The following PARP10 variants were observed in gnomAD, a reference collection of about 807,000 sequenced individuals.
The protein encoded by PARP10 is protein mono-ADP-ribosyltransferase PARP10.
Under a neutral mutation model 82.4 loss-of-function variants are expected in PARP10, and 56 were observed. That is an observed-to-expected ratio of 0.68 (90% CI 0.55 to 0.85). The LOEUF (loss-of-function observed/expected upper bound fraction) is 0.85. Among genes scored for constraint, PARP10 ranks in the 40% least tolerant of loss-of-function variants. PARP10 has a pLI of 0.00. For synonymous variants in PARP10, 576 were observed against 601.1 expected, an observed-to-expected ratio of 0.96 and a Z score of 0.61; for missense variants, 1,227 against 1,379.4, an observed-to-expected ratio of 0.89 and a Z score of 1.75.
chr8:143,985,022 T>C lies in PARP10; in HGVS notation c.980A>G (p.Glu327Gly), dbSNP rs1554748890. 1 of 1,613,858 alleles carries C rather than the reference T, an allele frequency of 6.2e-7. No homozygotes were observed. Among genetic ancestry groups the C allele is most frequent in the East Asian group, 2.2e-5 (1 of 44,876 alleles). ...CAGAGAGGTCCCTGACTGCCCTGGT[T>C]CCTGGCCAGAGCCTGTTGTCATAAT... ...RGIMTTGSGQEPGQSGTSLRT... is the reference protein window; with the variant it reads ...RGIMTTGSGQGPGQSGTSLRT... The change falls in exon 5 of 11, where the codon GAA (glutamate) becomes GGA (glycine). Residue 327 changes from glutamate to glycine, a missense_variant. Glu to Gly is a moderately conservative substitution (Grantham distance 98). Coordinates refer to ENST00000313028, the MANE Select transcript of PARP10 (RefSeq NM_032789.5).
Position 143,977,224 on chromosome 8 carries a change from G to C in PARP10, c.*260C>G, listed in dbSNP as rs764315268. On this transcript the variant is annotated 3_prime_UTR_variant, in exon 11 of 11. Coordinates refer to ENST00000313028, the MANE Select transcript of PARP10 (RefSeq NM_032789.5). ...CAAACAACAGAGCCGACTCGGGCGA[G>C]GTCTGGGAGCGGCGGGCGGGCGGTG... The C allele has an allele frequency of 1.2e-5, 6 of 521,602 alleles. No homozygotes were observed. The East Asian group carries it at 1.6e-4, about 14-fold the overall frequency. 32.3% of individuals were successfully genotyped at this position (521,602 alleles called of 1,614,324 possible). A position where few individuals can be genotyped will look rare whatever the true frequency, so the allele number is the denominator to read the frequency against.
intron 1 of PARP10, among the ~76,000 whole-genome samples, chr8:144,000,898 T>TTG (rs200821699): frequency 1.0e-3 from 125 of 122,344 alleles, no homozygotes; most frequent in Middle Eastern, 4.2e-3. Context: ...AATAAATTCT[T>TTG]TGTGTGTGTG....
chr8:143,979,873 G>A (rs576159569), intron 9 of PARP10, among the ~76,000 whole-genome samples: 3 of 151,920 alleles, frequency 2.0e-5, no homozygotes, highest in Non-Finnish European at 4.4e-5. Flanking sequence ...TTAGCCGGGC[G>A]CGGTGGCGGG....
Position 143,985,019 on chromosome 8 carries a change from G to T in PARP10, c.983C>A (p.Pro328Gln). ...CCTCAGAGAGGTCCCTGACTGCCCTGGTTCCTGGCCAGAGCCTGTTGTCAT... is the reference window on the plus strand; with the variant it reads ...CCTCAGAGAGGTCCCTGACTGCCCTTGTTCCTGGCCAGAGCCTGTTGTCAT... ...GIMTTGSGQE[P>Q]GQSGTSLRTG... Residue 328 changes from proline (P) to glutamine (Q), a missense_variant, in exon 5 of 11, where the codon CCA becomes CAA. Pro to Gln is a moderately conservative substitution (Grantham distance 76, BLOSUM62 -1). Coordinates refer to ENST00000313028, the MANE Select transcript of PARP10 (RefSeq NM_032789.5). 6.2e-7 allele frequency: 1 copy of T among 1,613,918 alleles called. No individual in the cohort carries two copies. Among genetic ancestry groups the T allele is most frequent in the Non-Finnish European group, 8.5e-7 (1 of 1,179,966 alleles).
At position 143,977,426 on chromosome 8, in the gene PARP10, T is replaced by C. The variant is rs368913820; in HGVS notation, c.*58A>G. On this transcript the variant is annotated 3_prime_UTR_variant, in exon 11 of 11. Transcript: ENST00000313028. ...CGGCCACAGTTGGGGGCGGGGAGCA[T>C]CAGCCTGTGCGGAGCTGGGAGCCTG... 6.7e-4 allele frequency: 957 copies of C among 1,420,986 alleles called. 12 individuals are homozygous for C. In the South Asian group the frequency reaches 0.012, roughly 18 times the overall value. 88.0% of individuals were successfully genotyped at this position (1,420,986 alleles called of 1,614,324 possible).
In PARP10 at chr8:144,003,883, T is replaced by A. The variant is rs1252764372; in HGVS notation, c.-80+8647A>T. ...TCTACAAAAAAAAAAAAATTTTTTT[T>A]AATTAGTCAGGTGTGGTGACACATG... On this transcript the variant is annotated intron_variant, in intron 1 of 3. Transcript: ENST00000530478. Among the ~76,000 whole-genome samples, 4 of 151,880 alleles carry A rather than the reference T, an allele frequency of 2.6e-5. 1 individual carries two copies. The highest frequency in any genetic ancestry group is 4.1e-4 in the South Asian group (2 of 4,820).
intron 1 of PARP10, among the ~76,000 whole-genome samples, chr8:144,003,810 G>A (rs1834218139): frequency 6.6e-6 from 1 of 152,040 alleles, no homozygotes; most frequent in Admixed American, 6.5e-5. Flanking sequence ...AGGATAGCTT[G>A]AGCCCAGGAG....
Position 143,978,074 on chromosome 8 carries a change from C to G in PARP10, c.2564G>C (p.Arg855Pro). 6.6e-7 allele frequency: 1 copy of G among 1,522,974 alleles called. No homozygotes were observed. Among genetic ancestry groups the G allele is most frequent in the Admixed American group, 1.9e-5 (1 of 51,996 alleles). The allele number at this position is 1,522,974 out of a possible 1,614,324, so 94.3% of individuals were successfully genotyped here. A position where few individuals can be genotyped will look rare whatever the true frequency, so the allele number is the denominator to read the frequency against. ...RSSIRVVRVERVSHPLLQQQY... is the reference protein window; with the variant it reads ...RSSIRVVRVEPVSHPLLQQQY... The stretch of plus-strand genomic sequence containing the variant: ...CTGCTGCAGCAGCGGGTGCGACACG[C>G]GCTCCACCTGCGGGGAAGGCCCGGG... The change falls in exon 10 of 11, where the codon CGC (arginine) becomes CCC (proline). Residue 855 changes from arginine to proline, a missense_variant. Physicochemically the swap from Arg to Pro is moderately radical, Grantham distance 103 (BLOSUM62 -2). Coordinates refer to ENST00000313028, the MANE Select transcript of PARP10 (RefSeq NM_032789.5).
In PARP10 at chr8:144,011,381, T is replaced by A. The variant is rs1834281074; in HGVS notation, c.-80+1149A>T. On this transcript the variant is annotated intron_variant, in intron 1 of 3. Coordinates refer to the PARP10 transcript ENST00000530478. This position sits in a 1 kb window ranked among gnomAD's most constrained non-coding sequence, Gnocchi z 4.5. The stretch of plus-strand genomic sequence containing the variant: ...GGAGGGGTGGGGGTAGGCCCCCCAT[T>A]GTGAGGTCCAGGCAGAATGCTCAAC... Among the ~76,000 whole-genome samples the A allele has an allele frequency of 1.3e-5, 2 of 152,036 alleles. No homozygotes were observed. Among genetic ancestry groups the A allele is most frequent in the Non-Finnish European group, 2.9e-5 (2 of 67,986 alleles).
intron 1 of PARP10, among the ~76,000 whole-genome samples, chr8:143,996,466 G>A (rs887775142): frequency 2.0e-5 from 3 of 152,166 alleles, no homozygotes; most frequent in Admixed American, 6.5e-5. Context: ...AAACCAGCAC[G>A]GGAACCCCAT....
chr8:143,984,514 G>T (rs1554748679), intron 5 of PARP10, 30 bp downstream of exon 5: 12 of 1,593,744 alleles, frequency 7.5e-6, no homozygotes, highest in South Asian at 1.1e-5. Flanking sequence ...GGAGGGGGCT[G>T]AAGGTGAGGA....
chr8:143,985,398 C>G lies in PARP10; in HGVS notation c.673+14G>C, dbSNP rs782725681. On this transcript the variant is annotated intron_variant, in intron 4 of 10. Transcript: ENST00000313028. ...GAGAGGGACGGTCGGCTGGGTCTGC[C>G]CAGCCCCACTCACCTTGCCACTGCT... 1.2e-6 allele frequency: 2 copies of G among 1,604,130 alleles called. No homozygotes were observed. Among genetic ancestry groups the G allele is most frequent in the African/African-American group, 1.3e-5 (1 of 74,636 alleles).
rs190688629 is a variant in PARP10 at position 144,008,426 on chromosome 8, G to C, written c.-80+4104C>G. On this transcript the variant is annotated intron_variant, in intron 1 of 3. Transcript: ENST00000530478. The surrounding 1 kb of genome is among the most constrained non-coding windows in gnomAD (Gnocchi z 4.0). The stretch of plus-strand genomic sequence containing the variant: ...TGAAATGCTGAGCGGAATCAAATGA[G>C]GCAAATTTGAATGGGGACAAACTGT... Among the ~76,000 whole-genome samples, 267 of 152,348 alleles carry C rather than the reference G, an allele frequency of 1.8e-3. No individual in the cohort carries two copies. Among genetic ancestry groups the C allele is most frequent in the African/African-American group, 6.2e-3 (256 of 41,568 alleles).
intron 1 of PARP10, among the ~76,000 whole-genome samples, chr8:144,009,349 C>T (rs1262535530): frequency 6.6e-6 from 1 of 152,332 alleles, no homozygotes. Flanking sequence ...TAGATACCAC[C>T]GCTGCTTCAC....
chr8:143,991,784 C>T (rs1554750549), upstream of PARP10: 5 of 1,613,224 alleles, frequency 3.1e-6, no homozygotes, highest in Non-Finnish European at 3.4e-6. Flanking sequence ...CAAGAGCATC[C>T]GACAGGCCTT....
At position 143,977,327 on chromosome 8, in the gene PARP10, G is replaced by T; in HGVS notation, c.*157C>A. 1.2e-6 allele frequency: 1 copy of T among 802,616 alleles called. No individual in the cohort carries two copies. The highest frequency in any genetic ancestry group is 1.9e-6 in the Non-Finnish European group (1 of 524,778). The allele number at this position is 802,616 out of a possible 1,614,324, so 49.7% of individuals were successfully genotyped here. On this transcript the variant is annotated 3_prime_UTR_variant, in exon 11 of 11. Coordinates refer to ENST00000313028, the MANE Select transcript of PARP10 (RefSeq NM_032789.5). ...CCTAGCCCGGCCCCCCTCGGCCGCTGCTGACCGCCATCCCCCACACCGCCT... is the reference window on the plus strand; with the variant it reads ...CCTAGCCCGGCCCCCCTCGGCCGCTTCTGACCGCCATCCCCCACACCGCCT...
At position 143,979,793 on chromosome 8, in the gene PARP10, A is replaced by G. The variant is rs1340113668; in HGVS notation, c.2557-1712T>C. Reference sequence around the variant, plus strand: ...GTAATCCCAGCACTTTGGGAGGCCGAGGTGGGCGGATCACGAGGTCGGGAG... The same window carrying G: ...GTAATCCCAGCACTTTGGGAGGCCGGGGTGGGCGGATCACGAGGTCGGGAG... On this transcript the variant is annotated intron_variant, in intron 9 of 10. Transcript: ENST00000313028. Among the ~76,000 whole-genome samples, 30 of 152,120 alleles carry G rather than the reference A, an allele frequency of 2.0e-4. 2 individuals carry two copies. The highest frequency in any genetic ancestry group is 2.0e-3 in the Admixed American group (30 of 15,268).
Position 143,977,840 on chromosome 8 carries a change from G to T in PARP10, c.2732-10C>A. The T allele has an allele frequency of 6.3e-7, 1 of 1,597,576 alleles. No individual in the cohort carries two copies. ...TTCCCGTAGACCGTGGCTGCAGGGC[G>T]AGACGGGGCAAGGTCAGGGTGGTCG... On this transcript the variant is annotated splice_polypyrimidine_tract_variant and intron_variant, in intron 10 of 10. Coordinates refer to ENST00000313028, the MANE Select transcript of PARP10 (RefSeq NM_032789.5).
chr8:143,983,017 G>T lies in PARP10; in HGVS notation c.2471C>A (p.Ala824Glu). 3.7e-6 allele frequency: 6 copies of T among 1,613,954 alleles called. No homozygotes were observed. Among genetic ancestry groups the T allele is most frequent in the Non-Finnish European group, 5.1e-6 (6 of 1,180,022 alleles). Residue 824 changes from alanine to glutamate, a missense_variant, in exon 9 of 11, where the codon GCA (alanine) becomes GAA (glutamate). Coordinates refer to ENST00000313028, the MANE Select transcript of PARP10 (RefSeq NM_032789.5). ...KGPWNNLERLAENTGEFQEVV... is the reference protein window; with the variant it reads ...KGPWNNLERLEENTGEFQEVV... ...CTCCTGGAACTCCCCGGTGTTCTCTGCCAGACGCTCCAGGTTGTTCCAGGG... is the reference window on the plus strand; with the variant it reads ...CTCCTGGAACTCCCCGGTGTTCTCTTCCAGACGCTCCAGGTTGTTCCAGGG...
Sources: gnomAD v4.1 joint callset for allele counts (sites outside exome capture counted in the v4.1 genomes callset) on GRCh38, gnomAD v4.1.1 for gene constraint, Gnocchi (gnomAD v3.1) non-coding constraint, MANE v1.5 for transcripts, NCBI Gene and HGNC (gene_info 2026-07-23, HGNC 2026-07-21) for gene names.